DGKB: variants seen among roughly 807,000 people sequenced by gnomAD.
The protein encoded by DGKB is 90 kDa diacylglycerol kinase.
Under a neutral mutation model 114.3 loss-of-function variants are expected in DGKB, and 67 were observed. The observed-to-expected ratio is 0.59, with a 90% CI of 0.48 to 0.72. DGKB has a LOEUF of 0.72. DGKB is among the 30% of genes least tolerant of loss of function. DGKB has a pLI of 0.00. For missense variants in DGKB, 907 were observed against 975.2 expected (o/e 0.93, Z 0.93); for synonymous variants, 398 against 323.1 (o/e 1.23, Z -2.49).
At chr7:14,845,106 C>CAAAAAAAAAAA (rs59367496) in intron 1 of DGKB, among the ~76,000 whole-genome samples, 16 of 89,262 alleles carry the variant, frequency 1.8e-4, no homozygotes, top group Non-Finnish European at 2.7e-4. Context: ...GGCCCTGTGT[C>CAAAAAAAAAAA]AAAAAAAAAA....
chr7:14,583,917 A>T (rs1800326019), intron 17 of DGKB, among the ~76,000 whole-genome samples: 1 of 152,210 alleles, frequency 6.6e-6, no homozygotes, highest in Non-Finnish European at 1.5e-5. Context: ...TTGGTATGTT[A>T]TGTGTCTCTT....
At chr7:14,686,815 T>C (rs1585652062) in intron 9 of DGKB, among the ~76,000 whole-genome samples, 1 of 152,206 alleles carries the variant, frequency 6.6e-6, no homozygotes, top group Admixed American at 6.5e-5. Flanking sequence ...AATTTCTTCA[T>C]GTTTTGCAAA....
At chr7:14,357,928 A>AGT (rs1814899284) in intron 21 of DGKB, among the ~76,000 whole-genome samples, 1 of 151,260 alleles carries the variant, frequency 6.6e-6, no homozygotes, top group Non-Finnish European at 1.5e-5. Flanking sequence ...ATTGGCCCCT[A>AGT]CTCTGGCTTG....
intron 21 of DGKB, among the ~76,000 whole-genome samples, chr7:14,366,874 G>A (rs1369138771): frequency 6.6e-6 from 1 of 152,054 alleles, no homozygotes; most frequent in African/African-American, 2.4e-5. Context: ...CAAAATTGTA[G>A]AAAATTAATT....
chr7:14,373,509 G>C (rs1273954068), intron 21 of DGKB, among the ~76,000 whole-genome samples: 2 of 152,100 alleles, frequency 1.3e-5, no homozygotes, highest in African/African-American at 2.4e-5. Context: ...TCTGAGTTCA[G>C]TAATTAAAAT....
At chr7:14,746,351 T>A (rs1833285861) in intron 4 of DGKB, among the ~76,000 whole-genome samples, 1 of 151,902 alleles carries the variant, frequency 6.6e-6, no homozygotes, top group Non-Finnish European at 1.5e-5. Context: ...AAGGAATCAA[T>A]CATTCAGAGT....
Position 14,757,774 on chromosome 7 carries a change from C to G in DGKB, c.71-43G>C, listed in dbSNP as rs370440247. ...CACAAAAATTGTTTATATGCACATA[C>G]TGTGGTTGTGTAGCCCAGTCCAGAA... On this transcript the variant is annotated intron_variant, in intron 2 of 25. Transcript: ENST00000402815. 8.8e-6 allele frequency: 10 copies of G among 1,140,072 alleles called. No homozygotes were observed. The African/African-American group carries it at 1.2e-4, about 14-fold the overall frequency. 70.6% of individuals were successfully genotyped at this position (1,140,072 alleles called of 1,614,324 possible). A position where few individuals can be genotyped will look rare whatever the true frequency, so the allele number is the denominator to read the frequency against.
chr7:14,687,365 C>T (rs145603403), intron 9 of DGKB, among the ~76,000 whole-genome samples: 14 of 152,224 alleles, frequency 9.2e-5, no homozygotes, highest in East Asian at 3.9e-4. Context: ...AATACAGCTA[C>T]GCAGGTGTCA....
intron 20 of DGKB, among the ~76,000 whole-genome samples, chr7:14,480,565 G>C (rs1462114524): frequency 6.6e-6 from 1 of 152,052 alleles, no homozygotes; most frequent in African/African-American, 2.4e-5. Context: ...GTTCTCTAAA[G>C]ACAGCCAAAT....
rs537257356 is a variant in DGKB at position 14,384,983 on chromosome 7, G to A, written c.1836-39592C>T. On this transcript the variant is annotated intron_variant, in intron 21 of 25. Transcript: ENST00000402815. ...GGTAGTTGTCAATAACAAAAAGGAGGAATTACTTTCCTTAAAGGTAAAAAT... is the reference window on the plus strand; with the variant it reads ...GGTAGTTGTCAATAACAAAAAGGAGAAATTACTTTCCTTAAAGGTAAAAAT... 2.0e-5 allele frequency among the ~76,000 whole-genome samples: 3 copies of A among 152,054 alleles called. No homozygotes were observed. The East Asian group carries it at 5.8e-4, about 30-fold the overall frequency.
rs1429506534 is a variant in DGKB, at chr7:14,806,062, T to G, written c.70+35132A>C. 2.0e-5 allele frequency among the ~76,000 whole-genome samples: 3 copies of G among 151,770 alleles called. No individual in the cohort carries two copies. In the East Asian group the frequency reaches 5.8e-4, roughly 29 times the overall value. ...CCTCATATTTTACTCAGAAAGTAGTTGAGATCTTTTCTTTTATAAATTTAC... is the reference window on the plus strand; with the variant it reads ...CCTCATATTTTACTCAGAAAGTAGTGGAGATCTTTTCTTTTATAAATTTAC... On this transcript the variant is annotated intron_variant, in intron 2 of 25. Transcript: ENST00000402815.
intron 23 of DGKB, among the ~76,000 whole-genome samples, chr7:14,242,363 G>T (rs994426848): frequency 1.3e-5 from 2 of 152,168 alleles, no homozygotes; most frequent in African/African-American, 4.8e-5. Flanking sequence ...CCTCCTGTGT[G>T]ACTTTCTGTG....
chr7:14,712,464 G>T (rs1205550355), intron 6 of DGKB, among the ~76,000 whole-genome samples: 1 of 152,070 alleles, frequency 6.6e-6, no homozygotes, highest in African/African-American at 2.4e-5. Context: ...TTGAGGTCAG[G>T]AGTTCAAGAG....
intron 3 of DGKB, 113 bp downstream of exon 3, chr7:14,757,542 G>C: frequency 1.7e-6 from 1 of 600,060 alleles, no homozygotes; most frequent in Admixed American, 3.2e-5. Flanking sequence ...TAATGTATAT[G>C]TGTACATATA....
At chr7:14,245,563 A>C (rs1211090556) in intron 23 of DGKB, among the ~76,000 whole-genome samples, 1 of 152,148 alleles carries the variant, frequency 6.6e-6, no homozygotes, top group Non-Finnish European at 1.5e-5. Context: ...AATGGGTAAG[A>C]GTGCTTCAGG....
intron 20 of DGKB, among the ~76,000 whole-genome samples, chr7:14,565,750 T>C (rs768944976): frequency 1.3e-5 from 2 of 152,140 alleles, no homozygotes; most frequent in South Asian, 2.1e-4. Flanking sequence ...TGGCTCTTAG[T>C]GTACTCATCT....
intron 13 of DGKB, among the ~76,000 whole-genome samples, chr7:14,660,707 A>G (rs1279555335): frequency 6.6e-6 from 1 of 151,940 alleles, no homozygotes; most frequent in Non-Finnish European, 1.5e-5. Context: ...AAACTACTTT[A>G]AAGTTCATAT....
intron 13 of DGKB, among the ~76,000 whole-genome samples, chr7:14,669,293 T>C (rs902945630): frequency 2.0e-5 from 3 of 152,192 alleles, no homozygotes; most frequent in Admixed American, 2.0e-4. Flanking sequence ...CCAAAGATTT[T>C]ACAACGACCT....
chr7:14,573,467 CTGTGTG>C (rs4027158), intron 20 of DGKB, among the ~76,000 whole-genome samples: 6,094 of 145,522 alleles, frequency 0.042, 298 homozygotes, highest in African/African-American at 0.12. Flanking sequence ...TAATCTATCT[CTGTGTG>C]TGTGTGTGTG....
Sources: gnomAD v4.1 joint callset for allele counts (sites outside exome capture counted in the v4.1 genomes callset) on GRCh38, gnomAD v4.1.1 for gene constraint, MANE v1.5 for transcripts, NCBI Gene and HGNC (gene_info 2026-07-23, HGNC 2026-07-21) for gene names.